Variants in CTNNA2 observed in about 807,000 individuals in gnomAD.
CTNNA2 encodes catenin alpha 2, also known as catenin alpha-2.
In CTNNA2, 42 loss-of-function variants were observed where a neutral mutation model predicts 101.0. The ratio of observed to expected loss-of-function variants is 0.42; its 90% CI spans 0.32 to 0.54. CTNNA2 has a LOEUF of 0.54. Among genes scored for constraint, CTNNA2 ranks in the 20% least tolerant of loss-of-function variants. CTNNA2 has a pLI of 0.14. For synonymous variants in CTNNA2, 450 were observed against 456.4 expected (o/e 0.99, Z 0.18); for missense variants, 871 against 1,223.1 (o/e 0.71, Z 4.29).
intron 3 of CTNNA2, among the ~76,000 whole-genome samples, chr2:79,322,680 C>T (rs1271023537): frequency 6.6e-6 from 1 of 152,086 alleles, no homozygotes; most frequent in African/African-American, 2.4e-5. Flanking sequence ...TTTTTATTTC[C>T]ATTGCTCCAT....
intron 4 of CTNNA2, among the ~76,000 whole-genome samples, chr2:79,494,838 T>C (rs532440189): frequency 1.4e-4 from 21 of 151,758 alleles, no homozygotes; most frequent in South Asian, 1.3e-3. Context: ...TGGCAGGGCG[T>C]GGTGGCTCAC....
chr2:80,419,338 A>G (rs1335208128), intron 8 of CTNNA2, 111 bp from the exon 9 acceptor site: 3 of 802,978 alleles, frequency 3.7e-6, no homozygotes, highest in Non-Finnish European at 5.8e-6. Context: ...AAAAGAAAAT[A>G]GGAATATTAT....
intron 9 of CTNNA2, among the ~76,000 whole-genome samples, chr2:80,483,530 G>A (rs1240139659): frequency 6.6e-6 from 1 of 152,078 alleles, no homozygotes; most frequent in Non-Finnish European, 1.5e-5. Flanking sequence ...CAGGCACTGT[G>A]TTGGGCATTG....
rs539744510 is a variant in CTNNA2, at chr2:80,288,003, CA to C, written c.1057-105206del. Among the ~76,000 whole-genome samples the C allele has an allele frequency of 2.1e-4, 32 of 152,290 alleles. 1 individual carries two copies. The highest frequency in any genetic ancestry group is 2.8e-4 in the Non-Finnish European group (19 of 68,028). On this transcript the variant is annotated intron_variant, in intron 7 of 18. Transcript: ENST00000402739. Reference sequence around the variant, plus strand: ...TTAGTTAATGACTTAATTGCCTCTTCAAGGTTTGATCTTGATACTCAAATCA... The same window carrying C: ...TTAGTTAATGACTTAATTGCCTCTTCAGGTTTGATCTTGATACTCAAATCA...
intron 4 of CTNNA2, among the ~76,000 whole-genome samples, chr2:79,402,206 T>C (rs1444477633): frequency 3.3e-5 from 5 of 151,864 alleles, no homozygotes; most frequent in African/African-American, 9.6e-5. Context: ...ATAACAATAG[T>C]TGGAGAACTC....
chr2:79,773,499 C>T (rs117837724), intron 3 of CTNNA2, among the ~76,000 whole-genome samples: 2 of 152,252 alleles, frequency 1.3e-5, no homozygotes, highest in East Asian at 1.9e-4. Context: ...AAAATGGTTA[C>T]ATTCTTTTGA....
intron 18 of CTNNA2, among the ~76,000 whole-genome samples, chr2:80,645,047 C>G (rs2149866885): frequency 6.6e-6 from 1 of 152,296 alleles, no homozygotes; most frequent in Non-Finnish European, 1.5e-5. Flanking sequence ...AAGACTCACT[C>G]TTTGGGGACC....
intron 6 of CTNNA2, among the ~76,000 whole-genome samples, chr2:79,908,652 C>T (rs1042860468): frequency 6.6e-6 from 1 of 152,164 alleles, no homozygotes; most frequent in Admixed American, 6.5e-5. Flanking sequence ...AGTTCTGTTT[C>T]TATCTTTCTG....
At chr2:80,134,935 T>C (rs1702609361) in intron 7 of CTNNA2, among the ~76,000 whole-genome samples, 1 of 152,206 alleles carries the variant, frequency 6.6e-6, no homozygotes, top group Admixed American at 6.5e-5. Context: ...AATGTTATTG[T>C]TATGGTGGTG....
chr2:79,919,848 C>T (rs879388930), intron 7 of CTNNA2, among the ~76,000 whole-genome samples: 15 of 152,232 alleles, frequency 9.9e-5, no homozygotes, highest in South Asian at 6.2e-4. Context: ...TGATTCAGTT[C>T]GAAAATTGTT....
chr2:79,247,244 A>G lies in CTNNA2; in HGVS notation c.-406+49168A>G, dbSNP rs188982582. ...TAGTTTCTCCCCCAGCCCAACATGC[A>G]TTGTGGAATTCTTTTCCTTACTTTT... On this transcript the variant is annotated intron_variant, in intron 2 of 21. Transcript: ENST00000466387. Among the ~76,000 whole-genome samples the G allele has an allele frequency of 1.0e-3, 154 of 152,332 alleles. 1 individual carries two copies. Among genetic ancestry groups the G allele is most frequent in the African/African-American group, 3.4e-3 (142 of 41,586 alleles).
At chr2:79,896,568 T>G (rs556904597) in intron 6 of CTNNA2, among the ~76,000 whole-genome samples, 3 of 152,230 alleles carry the variant, frequency 2.0e-5, no homozygotes, top group Non-Finnish European at 1.5e-5. Context: ...CAAATACTTA[T>G]GTATGAAACA....
intron 2 of CTNNA2, among the ~76,000 whole-genome samples, chr2:79,296,737 C>A (rs765831469): frequency 1.3e-5 from 2 of 152,092 alleles, no homozygotes; most frequent in African/African-American, 4.8e-5. Flanking sequence ...GCCCTTTTTG[C>A]GGTGCTTTGT....
intron 4 of CTNNA2, chr2:79,493,859 C>T (rs1238794818): frequency 6.6e-6 from 1 of 152,058 alleles, no homozygotes; most frequent in Non-Finnish European, 1.5e-5. Flanking sequence ...ATTCCTTGTT[C>T]CTTCAGTCTT....
chr2:80,102,922 G>A (rs1004617590), intron 7 of CTNNA2, among the ~76,000 whole-genome samples: 13 of 152,178 alleles, frequency 8.5e-5, no homozygotes, highest in Admixed American at 7.2e-4. Flanking sequence ...AGGACAGTGG[G>A]GGGCAGACCT....
intron 9 of CTNNA2, among the ~76,000 whole-genome samples, chr2:80,433,165 T>A (rs945788580): frequency 3.1e-4 from 47 of 152,160 alleles, no homozygotes; most frequent in Non-Finnish European, 6.0e-4. Flanking sequence ...GTATCTCTGT[T>A]ACGTAGAGCT....
At chr2:80,248,317 A>T (rs73938255) in intron 7 of CTNNA2, among the ~76,000 whole-genome samples, 2,893 of 152,180 alleles carry the variant, frequency 0.019, 102 homozygotes, top group African/African-American at 0.065. Context: ...CAGCTCACAA[A>T]TTCTTCTTGT....
At chr2:80,513,000 G>A (rs1688830997) in intron 9 of CTNNA2, among the ~76,000 whole-genome samples, 1 of 151,624 alleles carries the variant, frequency 6.6e-6, no homozygotes, top group South Asian at 2.1e-4. Context: ...GCTATTTTGG[G>A]GCATCTTCTC....
At chr2:79,243,043 A>G (rs991496506) in intron 2 of CTNNA2, among the ~76,000 whole-genome samples, 3 of 141,730 alleles carry the variant, frequency 2.1e-5, no homozygotes, top group Admixed American at 7.3e-5. Context: ...AATATTCATG[A>G]TAAAACAGAC....
Sources: gnomAD v4.1 joint callset for allele counts (sites outside exome capture counted in the v4.1 genomes callset) on GRCh38, gnomAD v4.1.1 for gene constraint, MANE v1.5 for transcripts, NCBI Gene and HGNC (gene_info 2026-07-23, HGNC 2026-07-21) for gene names.